Variants in DIP2B observed in about 807,000 individuals in gnomAD.
DIP2B encodes disco-interacting protein 2 homolog B.
Under a neutral mutation model 198.0 loss-of-function variants are expected in DIP2B, and 76 were observed. The observed-to-expected ratio is 0.38, with a 90% CI of 0.32 to 0.46. The LOEUF (loss-of-function observed/expected upper bound fraction) is 0.46, where lower values mean the gene tolerates loss of function less well. Among genes scored for constraint, DIP2B ranks in the 20% least tolerant of loss-of-function variants. The pLI is 0.99. For synonymous variants in DIP2B, 701 were observed against 739.1 expected, an observed-to-expected ratio of 0.95 and a Z score of 0.84; for missense variants, 1,559 against 1,978.4, an observed-to-expected ratio of 0.79 and a Z score of 4.02.
At chr12:50,736,361 A>T (rs570775911) in intron 34 of DIP2B, among the ~76,000 whole-genome samples, 1 of 152,336 alleles carries the variant, frequency 6.6e-6, no homozygotes, top group East Asian at 1.9e-4. Flanking sequence ...CCAGATAATT[A>T]TTGAGGGCTT....
chr12:50,517,253 A>G (rs1257640180), intron 1 of DIP2B, among the ~76,000 whole-genome samples: 3 of 150,848 alleles, frequency 2.0e-5, no homozygotes, highest in Non-Finnish European at 4.4e-5. Flanking sequence ...TTTTTTTTAA[A>G]TTAAATAGAG....
At chr12:50,706,084 A>G (rs1392179918) in intron 20 of DIP2B, among the ~76,000 whole-genome samples, 1 of 152,154 alleles carries the variant, frequency 6.6e-6, no homozygotes, top group Non-Finnish European at 1.5e-5. Context: ...CCGGATGGAA[A>G]CAGCATTACC....
chr12:50,600,384 G>C (rs1254486751), intron 1 of DIP2B, among the ~76,000 whole-genome samples: 1 of 152,144 alleles, frequency 6.6e-6, no homozygotes, highest in East Asian at 1.9e-4. Context: ...AAATGTCCTT[G>C]TTGTAGCGTG....
intron 1 of DIP2B, among the ~76,000 whole-genome samples, chr12:50,558,927 T>A (rs959000132): frequency 6.6e-6 from 1 of 152,204 alleles, no homozygotes; most frequent in Non-Finnish European, 1.5e-5. Flanking sequence ...CCTCTTCTTC[T>A]ATGAAGCCAA....
chr12:50,745,933 AG>A lies in DIP2B; in HGVS notation c.*1097del, dbSNP rs1391577828. Reference sequence around the variant, plus strand: ...GTGTCCTCTGTTCTTCCAGTTCACGAGGGCAGGGGGTTTAAAACAAGAATGA... The same window carrying A: ...GTGTCCTCTGTTCTTCCAGTTCACGAGGCAGGGGGTTTAAAACAAGAATGA... On this transcript the variant is annotated 3_prime_UTR_variant, in exon 38 of 38. Coordinates refer to ENST00000301180, the MANE Select transcript of DIP2B (RefSeq NM_173602.3). 2 of 152,196 alleles carry A rather than the reference AG, an allele frequency of 1.3e-5. No homozygotes were observed. The highest frequency in any genetic ancestry group is 4.8e-5 in the African/African-American group (2 of 41,428). The allele number at this position is 152,196 out of a possible 1,614,324, so 9.4% of individuals were successfully genotyped here. A position where few individuals can be genotyped will look rare whatever the true frequency, so the allele number is the denominator to read the frequency against.
Position 50,706,626 on chromosome 12 carries a change from G to A in DIP2B, c.2495G>A (p.Gly832Glu). The change falls in exon 21 of 38, where the codon GGA becomes GAA. Residue 832 changes from glycine to glutamate, a missense_variant. Transcript: ENST00000301180. ...RHNADDIVAT[G>E]LAVESIKTVY... ...AATGCTGATGACATTGTTGCTACTG[G>A]ATTGGCTGTAGAATCAATAAAGACT... 6.2e-7 allele frequency: 1 copy of A among 1,614,100 alleles called. No individual in the cohort carries two copies. The highest frequency in any genetic ancestry group is 1.1e-5 in the South Asian group (1 of 91,082).
chr12:50,744,588 G>A lies in DIP2B; in HGVS notation c.4480G>A (p.Ala1494Thr), dbSNP rs756079065. The A allele has an allele frequency of 1.1e-5, 17 of 1,612,816 alleles. No individual in the cohort carries two copies. The East Asian group carries it at 3.8e-4, about 36-fold the overall frequency. ...AATGAATTGTCATTGAAATTTCAGT[G>A]CCGTGTTCACATGGACCAACTTGCT... ...SRIHRSIAEC[A>T]VFTWTNLLVV... Residue 1494 changes from alanine to threonine, a missense_variant and splice_region_variant, in exon 38 of 38, where the codon GCC (alanine) becomes ACC (threonine). Coordinates refer to ENST00000301180, the MANE Select transcript of DIP2B (RefSeq NM_173602.3).
At chr12:50,711,592 A>T (rs1393115772) in intron 22 of DIP2B, among the ~76,000 whole-genome samples, 1 of 151,486 alleles carries the variant, frequency 6.6e-6, no homozygotes, top group African/African-American at 2.4e-5. Context: ...ATAGAGTTTC[A>T]CTCTTGTCTC....
At chr12:50,669,461 C>T (rs1277692539) in intron 4 of DIP2B, among the ~76,000 whole-genome samples, 2 of 152,114 alleles carry the variant, frequency 1.3e-5, no homozygotes, top group Non-Finnish European at 2.9e-5. Flanking sequence ...CTCACTCTGC[C>T]TCCCAGGCTG....
chr12:50,547,675 G>C (rs979710207), intron 1 of DIP2B, among the ~76,000 whole-genome samples: 3 of 152,158 alleles, frequency 2.0e-5, no homozygotes, highest in Non-Finnish European at 4.4e-5. Context: ...TCTACTAAAA[G>C]AGCTAGAGCT....
At chr12:50,657,214 C>T (rs1167995898) in intron 3 of DIP2B, 2 of 115,746 alleles carry the variant, frequency 1.7e-5, no homozygotes, top group Admixed American at 1.1e-4. Context: ...GAGACCCCAT[C>T]TCTATTTACA....
intron 18 of DIP2B, 146 bp from the exon 19 acceptor site, chr12:50,698,920 G>A: frequency 1.2e-6 from 1 of 852,168 alleles, no homozygotes. Context: ...TGTAGTTTCA[G>A]GTTTATGTTT....
chr12:50,663,094 C>T (rs886148760), intron 4 of DIP2B, among the ~76,000 whole-genome samples: 17 of 151,536 alleles, frequency 1.1e-4, no homozygotes, highest in African/African-American at 3.4e-4. Context: ...GGTGACAGAG[C>T]GAGACTCCAT....
chr12:50,612,578 G>C (rs906277823), intron 1 of DIP2B, among the ~76,000 whole-genome samples: 2 of 151,868 alleles, frequency 1.3e-5, no homozygotes, highest in Non-Finnish European at 2.9e-5. Flanking sequence ...ACAGGTGTGC[G>C]CCACCATGCT....
chr12:50,748,101 AGGGCCCG>A lies in DIP2B; in HGVS notation c.*3263_*3269del, dbSNP rs1367708974. 1 of 152,648 alleles carries A rather than the reference AGGGCCCG, an allele frequency of 6.6e-6. No individual in the cohort carries two copies. Among genetic ancestry groups the A allele is most frequent in the Non-Finnish European group, 1.5e-5 (1 of 68,046 alleles). The allele number at this position is 152,648 out of a possible 1,614,324, so 9.5% of individuals were successfully genotyped here. ...GCTTAATGCTTTTGTTGACTCAACA[AGGGCCCG>A]AGGCCTTAGGTTTTCTATTAAGGTC... On this transcript the variant is annotated 3_prime_UTR_variant, in exon 38 of 38. Transcript: ENST00000301180.
chr12:50,522,586 G>A (rs1385858381), intron 1 of DIP2B, among the ~76,000 whole-genome samples: 2 of 152,190 alleles, frequency 1.3e-5, no homozygotes, highest in African/African-American at 4.8e-5. Flanking sequence ...TGGGGAGAAC[G>A]TGCAAACGCC....
chr12:50,648,655 G>A lies in DIP2B; in HGVS notation c.301+7803G>A, dbSNP rs988649761. Among the ~76,000 whole-genome samples, 15 of 105,164 alleles carry A rather than the reference G, an allele frequency of 1.4e-4. 1 individual carries two copies. The highest frequency in any genetic ancestry group is 4.1e-4 in the African/African-American group (12 of 28,990). 69.0% of individuals were successfully genotyped at this position (105,164 alleles called of 152,430 possible). A position where few individuals can be genotyped will look rare whatever the true frequency, so the allele number is the denominator to read the frequency against. ...TGGGATTACAGGCGTGAGCCACCACGCCCAGCCCCCTTTTTTTTTTTTTTT... is the reference window on the plus strand; with the variant it reads ...TGGGATTACAGGCGTGAGCCACCACACCCAGCCCCCTTTTTTTTTTTTTTT... On this transcript the variant is annotated intron_variant, in intron 3 of 37. Transcript: ENST00000301180.
At chr12:50,721,457 A>G in intron 26 of DIP2B, 61 bp downstream of exon 26, 1 of 1,600,360 alleles carries the variant, frequency 6.2e-7, no homozygotes, top group Non-Finnish European at 8.5e-7. Context: ...TACAAATTAT[A>G]AAAGGATAGG....
chr12:50,626,352 C>T (rs373601361), intron 2 of DIP2B, among the ~76,000 whole-genome samples: 5 of 152,046 alleles, frequency 3.3e-5, no homozygotes, highest in East Asian at 1.9e-4. Context: ...AAAACCACAT[C>T]GTATTTATGA....
Sources: allele counts gnomAD v4.1 joint callset (sites outside exome capture counted in the v4.1 genomes callset), GRCh38; gene constraint gnomAD v4.1.1; transcripts MANE v1.5; gene names NCBI Gene and HGNC (gene_info 2026-07-23, HGNC 2026-07-21).